NTAQ1: variants seen among roughly 807,000 people sequenced by gnomAD.
NTAQ1 encodes the protein N-terminal glutamine amidase 1, also known as protein N-terminal glutamine amidohydrolase.
NTAQ1 carries 21 observed loss-of-function variants against 28.2 expected under a neutral mutation model. That is an observed-to-expected ratio of 0.74 (90% confidence interval 0.53 to 1.07). The LOEUF (loss-of-function observed/expected upper bound fraction) is 1.07, where lower values mean the gene tolerates loss of function less well. NTAQ1 is among the 50% of genes least tolerant of loss of function. The pLI is 0.00. For missense variants in NTAQ1, 264 were observed against 256.6 expected, an observed-to-expected ratio of 1.03 and a Z score of -0.20; for synonymous variants, 105 against 90.0, an observed-to-expected ratio of 1.17 and a Z score of -0.94.
chr8:123,418,447 C>CAAAAAAAAAAAAAAAAAAAAAAA (rs11447317), intron 1 of NTAQ1, among the ~76,000 whole-genome samples: 1 of 126,716 alleles, frequency 7.9e-6, no homozygotes, highest in Non-Finnish European at 1.7e-5. Context: ...GACTCCATCT[C>CAAAAAAAAAAAAAAAAAAAAAAA]AAAAAAAAAA....
At chr8:123,467,968 G>A (rs1563909908) in exon 7 of NTAQ1, among the ~76,000 whole-genome samples, 1 of 152,092 alleles carries the variant, frequency 6.6e-6, no homozygotes, top group African/African-American at 2.4e-5. Context: ...GGCTGGTCTC[G>A]AACTCCTGAC....
At chr8:123,426,979 A>T (rs1205327805) in intron 1 of NTAQ1, among the ~76,000 whole-genome samples, 3 of 152,094 alleles carry the variant, frequency 2.0e-5, no homozygotes, top group African/African-American at 4.8e-5. Flanking sequence ...ATAAATAAAA[A>T]AAATAAAATT....
downstream of NTAQ1, among the ~76,000 whole-genome samples, chr8:123,473,585 C>T (rs545188314): frequency 2.0e-5 from 3 of 152,320 alleles, no homozygotes; most frequent in South Asian, 2.1e-4. Context: ...GCCACCATGC[C>T]CGGCCTGTAT....
chr8:123,454,406 T>G (rs1815589120), intron 6 of NTAQ1, among the ~76,000 whole-genome samples: 1 of 152,154 alleles, frequency 6.6e-6, no homozygotes, highest in Admixed American at 6.5e-5. Context: ...TTCACTGTGG[T>G]TGCCCAGGCT....
At chr8:123,461,981 G>A (rs1184633054) in intron 6 of NTAQ1, among the ~76,000 whole-genome samples, 3 of 152,190 alleles carry the variant, frequency 2.0e-5, no homozygotes, top group African/African-American at 4.8e-5. Context: ...TGGAAATAAT[G>A]TGTGAGACAG....
chr8:123,443,208 C>T (rs1182212212), downstream of NTAQ1, among the ~76,000 whole-genome samples: 3 of 151,410 alleles, frequency 2.0e-5, no homozygotes, highest in African/African-American at 4.9e-5. Context: ...TTAATAGAGA[C>T]GGGGTTTTGC....
At chr8:123,448,160 T>A (rs1815357181), downstream of NTAQ1, 1 of 152,210 alleles carries the variant, frequency 6.6e-6, no homozygotes, top group Non-Finnish European at 1.5e-5. Flanking sequence ...CCTGCCTAAA[T>A]AGTATATTGT....
At chr8:123,462,596 C>T (rs949134137) in intron 6 of NTAQ1, among the ~76,000 whole-genome samples, 1 of 152,168 alleles carries the variant, frequency 6.6e-6, no homozygotes, top group Admixed American at 6.5e-5. Flanking sequence ...AAGTCTTGGT[C>T]TGTGTTATCT....
At chr8:123,460,331 G>A (rs1047402320) in intron 6 of NTAQ1, among the ~76,000 whole-genome samples, 6 of 152,300 alleles carry the variant, frequency 3.9e-5, no homozygotes, top group African/African-American at 1.2e-4. Context: ...AAATGGGAGT[G>A]GGCAACTTGC....
At chr8:123,473,349 G>A (rs559972044), downstream of NTAQ1, among the ~76,000 whole-genome samples, 1 of 148,938 alleles carries the variant, frequency 6.7e-6, no homozygotes, top group African/African-American at 2.5e-5. Context: ...AGGCTGGAGT[G>A]CAGTGGCGCG....
chr8:123,449,789 T>C (rs1815415616), downstream of NTAQ1, among the ~76,000 whole-genome samples: 1 of 148,024 alleles, frequency 6.8e-6, no homozygotes, highest in East Asian at 2.0e-4. Flanking sequence ...TAGGCGGAGG[T>C]TGTAGTGAGC....
rs750087789 is a variant in NTAQ1, at chr8:123,428,031, G to C, written c.183+8G>C. 1.9e-6 allele frequency: 3 copies of C among 1,570,778 alleles called. No homozygotes were observed. On this transcript the variant is annotated splice_region_variant and intron_variant, in intron 2 of 5. Transcript: ENST00000287387. ...TCTAATGAGAGGAAGATGGTAAGTT[G>C]GTGAGTGATTGCAGAAAGAAAACAA... is the stretch of plus-strand genomic sequence containing the variant.
intron 3 of NTAQ1, among the ~76,000 whole-genome samples, chr8:123,432,508 G>A (rs372594971): frequency 5.9e-4 from 90 of 151,698 alleles, no homozygotes; most frequent in African/African-American, 1.9e-3. Flanking sequence ...GGTGGTGGGC[G>A]CTTGTAGTCC....
chr8:123,418,460 A>AT lies in NTAQ1; in HGVS notation c.83+1528_83+1529insT, dbSNP rs201018069. Reference sequence around the variant, plus strand: ...AAGACTCCATCTCAAAAAAAAAAAAAAAATAAAAAGCCAAAAAAACAAGTA... The same window carrying AT: ...AAGACTCCATCTCAAAAAAAAAAAAATAAATAAAAAGCCAAAAAAACAAGTA... On this transcript the variant is annotated intron_variant, in intron 1 of 5. Transcript: ENST00000287387. 8.5e-3 allele frequency among the ~76,000 whole-genome samples: 1,285 copies of AT among 151,194 alleles called. 22 individuals are homozygous for AT. The highest frequency in any genetic ancestry group is 0.041 in the East Asian group (212 of 5,160).
At chr8:123,468,385 C>A (rs966236958) in exon 7 of NTAQ1, among the ~76,000 whole-genome samples, 2 of 152,138 alleles carry the variant, frequency 1.3e-5, no homozygotes, top group Non-Finnish European at 2.9e-5. Flanking sequence ...CTCTCCATAT[C>A]CCCCCACTAA....
At chr8:123,425,446 C>A (rs1183365306) in intron 1 of NTAQ1, among the ~76,000 whole-genome samples, 1 of 151,548 alleles carries the variant, frequency 6.6e-6, no homozygotes, top group African/African-American at 2.4e-5. Context: ...TAGTCAGTAG[C>A]AGTAGCAATC....
chr8:123,426,011 G>A (rs545023352), intron 1 of NTAQ1, among the ~76,000 whole-genome samples: 2 of 152,272 alleles, frequency 1.3e-5, no homozygotes, highest in African/African-American at 2.4e-5. Context: ...GTGACAGAGC[G>A]AGACTCCGTC....
At chr8:123,446,973 C>T (rs1270913546), downstream of NTAQ1, among the ~76,000 whole-genome samples, 3 of 152,080 alleles carry the variant, frequency 2.0e-5, no homozygotes, top group Non-Finnish European at 2.9e-5. Flanking sequence ...TGATTGCCGC[C>T]GAGCTGGGGG....
chr8:123,461,112 G>A (rs969247863), intron 6 of NTAQ1, among the ~76,000 whole-genome samples: 5 of 152,170 alleles, frequency 3.3e-5, no homozygotes, highest in African/African-American at 7.2e-5. Flanking sequence ...TTGGGCAGGC[G>A]GGAAGCATGG....
Sources: gnomAD v4.1 joint callset for allele counts (sites outside exome capture counted in the v4.1 genomes callset) on GRCh38, gnomAD v4.1.1 for gene constraint, MANE v1.5 for transcripts, NCBI Gene and HGNC (gene_info 2026-07-23, HGNC 2026-07-21) for gene names.